Variants in CNNM2 observed in about 807,000 individuals in gnomAD.
CNNM2 encodes the protein cyclin and CBS domain divalent metal cation transport mediator 2, also known as metal transporter CNNM2.
A neutral mutation model predicts 66.9 loss-of-function variants in CNNM2; 12 were observed. That is an observed-to-expected ratio of 0.18 (90% CI 0.11 to 0.29). The LOEUF is 0.29. Among genes scored for constraint, CNNM2 ranks in the 10% least tolerant of loss-of-function variants. The pLI is 1.00. For missense variants in CNNM2, 705 were observed against 1,167.7 expected, an observed-to-expected ratio of 0.60 and a Z score of 5.77; for synonymous variants, 557 against 501.8, an observed-to-expected ratio of 1.11 and a Z score of -1.47.
At chr10:103,047,289 C>G (rs2065142340) in intron 1 of CNNM2, among the ~76,000 whole-genome samples, 1 of 152,186 alleles carries the variant, frequency 6.6e-6, no homozygotes. Flanking sequence ...AAACATCAGA[C>G]AAGCTCAAAT....
Position 103,073,342 on chromosome 10 carries a change from C to T in CNNM2, c.2233+1503C>T, listed in dbSNP as rs547522796. ...AGGAGGCCTCAGACAAGCAAAGTACCTTGAAATGTTTTGTTTTTATAGCCT... is the reference window on the plus strand; with the variant it reads ...AGGAGGCCTCAGACAAGCAAAGTACTTTGAAATGTTTTGTTTTTATAGCCT... On this transcript the variant is annotated intron_variant, in intron 6 of 7. Transcript: ENST00000369878. 1.1e-4 allele frequency among the ~76,000 whole-genome samples: 17 copies of T among 152,314 alleles called. No homozygotes were observed. The South Asian group carries it at 3.5e-3, about 32-fold the overall frequency.
At chr10:103,006,117 T>C (rs1160451765) in intron 1 of CNNM2, among the ~76,000 whole-genome samples, 2 of 152,226 alleles carry the variant, frequency 1.3e-5, no homozygotes, top group Non-Finnish European at 2.9e-5. Flanking sequence ...ATAGGAGTGA[T>C]AGTGATATCC....
chr10:102,961,634 G>T (rs1224914089), intron 1 of CNNM2, among the ~76,000 whole-genome samples: 1 of 151,576 alleles, frequency 6.6e-6, no homozygotes, highest in Non-Finnish European at 1.5e-5. Context: ...TTCAAAATTA[G>T]GTTAAATTAT....
Position 102,985,543 on chromosome 10 carries a change from T to C in CNNM2, c.1622-64164T>C, listed in dbSNP as rs1006895483. ...TAACCAGCAGACCCTGTCTCACTTA[T>C]GTTCTCCTTCAGGTTCTTCCTTGAC... On this transcript the variant is annotated intron_variant, in intron 1 of 7. Coordinates refer to ENST00000369878, the MANE Select transcript of CNNM2 (RefSeq NM_017649.5). Among the ~76,000 whole-genome samples the C allele has an allele frequency of 2.0e-5, 3 of 152,190 alleles. No homozygotes were observed. The South Asian group carries it at 6.2e-4, about 31-fold the overall frequency.
chr10:102,997,263 G>A (rs1351800619), intron 1 of CNNM2, among the ~76,000 whole-genome samples: 1 of 152,196 alleles, frequency 6.6e-6, no homozygotes, highest in Non-Finnish European at 1.5e-5. Context: ...GAGGAGGCCA[G>A]TTTTATCCTA....
intron 1 of CNNM2, among the ~76,000 whole-genome samples, chr10:102,998,465 T>C (rs2064045195): frequency 6.6e-6 from 1 of 152,232 alleles, no homozygotes; most frequent in Non-Finnish European, 1.5e-5. Context: ...CCTTCACGTA[T>C]ATATGCGAAC....
intron 4 of CNNM2, among the ~76,000 whole-genome samples, chr10:103,066,403 C>G (rs1461346003): frequency 6.6e-6 from 1 of 152,164 alleles, no homozygotes; most frequent in African/African-American, 2.4e-5. Context: ...TCGAATCATG[C>G]TGGTCCCTTA....
In CNNM2 at chr10:102,918,366, G is replaced by C. The variant is rs147656969; in HGVS notation, c.-115G>C. 53 of 1,487,464 alleles carry C rather than the reference G, an allele frequency of 3.6e-5. No individual in the cohort carries two copies. The highest frequency in any genetic ancestry group is 4.5e-5 in the Non-Finnish European group (50 of 1,122,228). The allele number at this position is 1,487,464 out of a possible 1,614,324, so 92.1% of individuals were successfully genotyped here. Reference sequence around the variant, plus strand: ...AGGTGGAGTCAGTGTCAGTCAGGGAGGCGAACTGCTGAGCACTGGCCGCGG... The same window carrying C: ...AGGTGGAGTCAGTGTCAGTCAGGGACGCGAACTGCTGAGCACTGGCCGCGG... On this transcript the variant is annotated 5_prime_UTR_variant, in exon 1 of 8. Transcript: ENST00000369878. The surrounding 1 kb of genome is among the most constrained non-coding windows in gnomAD (Gnocchi z 4.1).
At chr10:102,999,219 C>T (rs904399024) in intron 1 of CNNM2, among the ~76,000 whole-genome samples, 22 of 150,928 alleles carry the variant, frequency 1.5e-4, no homozygotes, top group Admixed American at 3.3e-4. Flanking sequence ...TACAGGTGCC[C>T]GTCACCCTGC....
rs1252938966 is a variant in CNNM2 at position 103,081,773 on chromosome 10, G to C, written c.*4593G>C. The C allele has an allele frequency of 2.6e-5, 4 of 152,180 alleles. No individual in the cohort carries two copies. The highest frequency in any genetic ancestry group is 5.9e-5 in the Non-Finnish European group (4 of 68,052). 9.4% of individuals were successfully genotyped at this position (152,180 alleles called of 1,614,324 possible). A position where few individuals can be genotyped will look rare whatever the true frequency, so the allele number is the denominator to read the frequency against. On this transcript the variant is annotated 3_prime_UTR_variant, in exon 8 of 8. Coordinates refer to ENST00000369878, the MANE Select transcript of CNNM2 (RefSeq NM_017649.5). The stretch of plus-strand genomic sequence containing the variant: ...CTTTTGCTACCTTCTTTCCTATCTG[G>C]AGATTCATATTCTAGAGTCCCTGGT...
chr10:102,920,159 A>G (rs1427152866), intron 1 of CNNM2, 58 bp downstream of exon 1: 5 of 1,613,020 alleles, frequency 3.1e-6, no homozygotes, highest in East Asian at 4.5e-5. Context: ...CCTCCTCCCT[A>G]CTTGAGTCCT....
chr10:103,021,017 C>T (rs2064565694), intron 1 of CNNM2, among the ~76,000 whole-genome samples: 1 of 152,126 alleles, frequency 6.6e-6, no homozygotes, highest in Non-Finnish European at 1.5e-5. Context: ...GAGAAGAGAC[C>T]TTTGCTTCTC....
intron 1 of CNNM2, among the ~76,000 whole-genome samples, chr10:103,010,178 A>G (rs1438057133): frequency 6.6e-6 from 1 of 152,188 alleles, no homozygotes; most frequent in South Asian, 2.1e-4. Context: ...AAACATGTTC[A>G]TATACAAGAG....
intron 1 of CNNM2, among the ~76,000 whole-genome samples, chr10:102,965,315 T>C (rs1475735874): frequency 6.6e-6 from 1 of 152,210 alleles, no homozygotes; most frequent in Non-Finnish European, 1.5e-5. Flanking sequence ...TTCTTTTTCC[T>C]CTTGAGGGTG....
intron 1 of CNNM2, among the ~76,000 whole-genome samples, chr10:103,035,166 A>G (rs1297628203): frequency 6.6e-6 from 1 of 152,068 alleles, no homozygotes; most frequent in South Asian, 2.1e-4. Context: ...TTGGAATTCT[A>G]CTAAACGGAC....
chr10:102,927,559 AGACT>A (rs1845914292), intron 1 of CNNM2: 4 of 1,128,882 alleles, frequency 3.5e-6, no homozygotes, highest in Non-Finnish European at 4.9e-6. Context: ...CAGGAGTTCC[AGACT>A]GACAGTCTGG....
intron 1 of CNNM2, among the ~76,000 whole-genome samples, chr10:102,976,011 G>C (rs1238010796): frequency 6.6e-6 from 1 of 152,090 alleles, no homozygotes; most frequent in Non-Finnish European, 1.5e-5. Flanking sequence ...GAACCTCACT[G>C]GTTCTTTCAA....
At chr10:103,035,512 C>CT (rs2064920120) in intron 1 of CNNM2, among the ~76,000 whole-genome samples, 1 of 152,134 alleles carries the variant, frequency 6.6e-6, no homozygotes, top group Non-Finnish European at 1.5e-5. Flanking sequence ...AAATCCGAGT[C>CT]TTTAAATACT....
chr10:103,048,569 G>T (rs1329149882), intron 1 of CNNM2, among the ~76,000 whole-genome samples: 2 of 141,420 alleles, frequency 1.4e-5, no homozygotes, highest in South Asian at 4.2e-4. Context: ...AGTCCACACT[G>T]CCTATTGTTT....
Sources: gnomAD v4.1 joint callset for allele counts (sites outside exome capture counted in the v4.1 genomes callset) on GRCh38, gnomAD v4.1.1 for gene constraint, Gnocchi (gnomAD v3.1) non-coding constraint, MANE v1.5 for transcripts, NCBI Gene and HGNC (gene_info 2026-07-23, HGNC 2026-07-21) for gene names.